Variants in RASD1 observed in about 807,000 individuals in gnomAD.
The protein encoded by RASD1 is dexamethasone-induced Ras-related protein 1.
In RASD1, 13 loss-of-function variants were observed where a neutral mutation model predicts 16.7. The ratio of observed to expected loss-of-function variants is 0.78; its 90% CI spans 0.51 to 1.24. The LOEUF is 1.24. Among genes scored for constraint, RASD1 ranks in the 50% most tolerant of loss-of-function variants. RASD1 has a pLI of 0.00. For missense variants in RASD1, 397 were observed against 407.5 expected (o/e 0.97, Z 0.22); for synonymous variants, 170 against 172.6 (o/e 0.98, Z 0.12).
rs776597307 is a variant in RASD1, at chr17:17,495,150, T to G, written c.821A>C (p.Asp274Ala). ...CTAGCTGATGACGCAGCGCTCCTTG[T>G]CCTTGGCCTGGCTGCCGGCGCTGGC... ...EKASAGSQAKDKERCVIS is the reference protein window; with the variant it reads ...EKASAGSQAKAKERCVIS The change falls in exon 2 of 2, where the codon GAC becomes GCC. Residue 274 changes from aspartate to alanine, a missense_variant. By Grantham distance (126) the Asp-to-Ala change is moderately radical. Coordinates refer to ENST00000225688, the MANE Select transcript of RASD1 (RefSeq NM_016084.5). 4 of 1,611,724 alleles carry G rather than the reference T, an allele frequency of 2.5e-6. No individual in the cohort carries two copies. In the South Asian group the frequency reaches 4.4e-5, roughly 18 times the overall value.
rs372935650 is a variant in RASD1, at chr17:17,495,431, C to T, written c.540G>A (p.Lys180=). Residue 180 remains lysine, a synonymous_variant, in exon 2 of 2, where the codon AAG becomes AAA. Coordinates refer to ENST00000225688, the MANE Select transcript of RASD1 (RefSeq NM_016084.5). ...RCAYFEISAK[K]NSSLDQMFRA... Reference sequence around the variant, plus strand: ...GGAACATCTGGTCCAGGCTGCTGTTCTTCTTGGCCGAGATCTCGAAGTAGG... The same window carrying T: ...GGAACATCTGGTCCAGGCTGCTGTTTTTCTTGGCCGAGATCTCGAAGTAGG... 1.2e-6 allele frequency: 2 copies of T among 1,607,376 alleles called. No individual in the cohort carries two copies. Among genetic ancestry groups the T allele is most frequent in the Non-Finnish European group, 1.7e-6 (2 of 1,177,292 alleles).
At position 17,495,130 on chromosome 17, in the gene RASD1, T is replaced by C; in HGVS notation, c.841A>G (p.Ser281Gly). The change falls in exon 2 of 2, where the codon AGC becomes GGC. Residue 281 changes from serine (S) to glycine (G), a missense_variant. Physicochemically the swap from Ser to Gly is moderately conservative, Grantham distance 56. Transcript: ENST00000225688. ...TCGCCAGCGCGGCGGGGCTCCTAGC[T>C]GATGACGCAGCGCTCCTTGTCCTTG... ...QAKDKERCVI[S>G] 6.2e-7 allele frequency: 1 copy of C among 1,610,998 alleles called. No individual in the cohort carries two copies. Among genetic ancestry groups the C allele is most frequent in the Non-Finnish European group, 8.5e-7 (1 of 1,179,578 alleles).
Position 17,495,170 on chromosome 17 carries a change from G to T in RASD1, c.801C>A (p.Ser267Arg). The change falls in exon 2 of 2, where the codon AGC becomes AGA. Residue 267 changes from serine (S) to arginine (R), a missense_variant. Physicochemically the swap from Ser to Arg is moderately radical, Grantham distance 110. Coordinates refer to ENST00000225688, the MANE Select transcript of RASD1 (RefSeq NM_016084.5). ...CCTTGTCCTTGGCCTGGCTGCCGGC[G>T]CTGGCCTTCTCGCGGATGTACATGA... is the stretch of plus-strand genomic sequence containing the variant. ...SDLMYIREKA[S>R]AGSQAKDKER... The T allele has an allele frequency of 6.2e-7, 1 of 1,611,706 alleles. No homozygotes were observed. The highest frequency in any genetic ancestry group is 1.1e-5 in the South Asian group (1 of 91,058).
Position 17,494,965 on chromosome 17 carries a change from T to C in RASD1, c.*160A>G, listed in dbSNP as rs1330090249. The C allele has an allele frequency of 3.4e-6, 3 of 881,970 alleles. No individual in the cohort carries two copies. Among genetic ancestry groups the C allele is most frequent in the African/African-American group, 1.8e-5 (1 of 56,870 alleles). 54.6% of individuals were successfully genotyped at this position (881,970 alleles called of 1,614,324 possible). ...TCTTTCCTTCCGGAGCAGATGACCGTCCCTTCTCGGTTCAGTGGCGCCTCC... is the reference window on the plus strand; with the variant it reads ...TCTTTCCTTCCGGAGCAGATGACCGCCCCTTCTCGGTTCAGTGGCGCCTCC... On this transcript the variant is annotated 3_prime_UTR_variant, in exon 2 of 2. Coordinates refer to ENST00000225688, the MANE Select transcript of RASD1 (RefSeq NM_016084.5).
Position 17,496,295 on chromosome 17 carries a change from C to T in RASD1, c.-114G>A, listed in dbSNP as rs149946848. The T allele has an allele frequency of 2.8e-4, 343 of 1,217,568 alleles. 3 individuals are homozygous for T. In the East Asian group the frequency reaches 5.7e-3, roughly 20 times the overall value. The allele number at this position is 1,217,568 out of a possible 1,614,324, so 75.4% of individuals were successfully genotyped here. On this transcript the variant is annotated 5_prime_UTR_variant, in exon 1 of 2. Coordinates refer to ENST00000225688, the MANE Select transcript of RASD1 (RefSeq NM_016084.5). The stretch of plus-strand genomic sequence containing the variant: ...GCTGGAGGGCTCTGCTCGGGCTGGG[C>T]GCGGCTCGGGCTTGGGGCTCCGGCT...
In RASD1 at chr17:17,496,158, CTTGAT is replaced by C. The variant is rs1174602898; in HGVS notation, c.19_23del (p.Ile7GlufsTer140). ...GCTCCGAGTCGCTCGGGCACATCTT[CTTGAT>C]CATCGCGGCCAGTTTCATTGGGCAG... On this transcript the variant is annotated frameshift_variant, in exon 1 of 2. Transcript: ENST00000225688. LOFTEE classifies it high-confidence loss of function. 5 of 1,607,840 alleles carry C rather than the reference CTTGAT, an allele frequency of 3.1e-6. No homozygotes were observed. Among genetic ancestry groups the C allele is most frequent in the Non-Finnish European group, 4.3e-6 (5 of 1,175,574 alleles).
In RASD1 at chr17:17,495,981, G is replaced by T; in HGVS notation, c.201C>A (p.Ile67=). Residue 67 remains isoleucine, a synonymous_variant, in exon 1 of 2, where the codon ATC becomes ATA. Transcript: ENST00000225688. ...TGTCGAGCTGGTAGACCTCGCCGCG[G>T]ATGGAGTAGAACTTGCGGTGGAAGT... The part of the protein sequence containing the change: ...IEDFHRKFYS[I]RGEVYQLDIL... 6.2e-7 allele frequency: 1 copy of T among 1,613,720 alleles called. No homozygotes were observed. The highest frequency in any genetic ancestry group is 8.5e-7 in the Non-Finnish European group (1 of 1,180,032).
Position 17,495,573 on chromosome 17 carries a change from T to G in RASD1, c.398A>C (p.Lys133Thr). 1 of 1,613,072 alleles carries G rather than the reference T, an allele frequency of 6.2e-7. No homozygotes were observed. Among genetic ancestry groups the G allele is most frequent in the Non-Finnish European group, 8.5e-7 (1 of 1,179,920 alleles). The change falls in exon 2 of 2, where the codon AAG becomes ACG. Residue 133 changes from lysine to threonine, a missense_variant. Physicochemically the swap from Lys to Thr is moderately conservative, Grantham distance 78. Transcript: ENST00000225688. ...GACCAGGGGCACGTCCACGTTCTCCTTGGTTTTGTTCTTGAGGCAAGACTT... is the reference window on the plus strand; with the variant it reads ...GACCAGGGGCACGTCCACGTTCTCCGTGGTTTTGTTCTTGAGGCAAGACTT... Reference protein sequence around the residue: ...DTKSCLKNKTKENVDVPLVIC... With the variant: ...DTKSCLKNKTTENVDVPLVIC...
In RASD1 at chr17:17,496,223, G is replaced by A. The variant is rs573137760; in HGVS notation, c.-42C>T. The A allele has an allele frequency of 5.9e-6, 9 of 1,528,120 alleles. No individual in the cohort carries two copies. In the East Asian group the frequency reaches 2.2e-4, roughly 37 times the overall value. 94.7% of individuals were successfully genotyped at this position (1,528,120 alleles called of 1,614,324 possible). A position where few individuals can be genotyped will look rare whatever the true frequency, so the allele number is the denominator to read the frequency against. On this transcript the variant is annotated 5_prime_UTR_variant, in exon 1 of 2. Coordinates refer to ENST00000225688, the MANE Select transcript of RASD1 (RefSeq NM_016084.5). ...GAGGGCGGGCGCGGGGCCGAGAGAA[G>A]GGCAGAGAGCGGCTGAGGGTCGCTG...
rs1163385859 is a variant in RASD1 at position 17,495,322 on chromosome 17, G to A, written c.649C>T (p.Leu217=). ...RKVSVQYCDV[L]HKKALRNKKL... ...TTGTTCCGCAGCGCCTTCTTGTGCA[G>A]CACGTCGCAGTACTGCACCGAGACC... Residue 217 remains leucine (L), a synonymous_variant, in exon 2 of 2, where the codon CTG becomes TTG. Transcript: ENST00000225688. 6.4e-7 allele frequency: 1 copy of A among 1,556,766 alleles called. No individual in the cohort carries two copies. The highest frequency in any genetic ancestry group is 1.4e-5 in the African/African-American group (1 of 73,668).
Position 17,496,024 on chromosome 17 carries a change from T to C in RASD1, c.158A>G (p.Tyr53Cys). The change falls in exon 1 of 2, where the codon TAC becomes TGC. Residue 53 changes from tyrosine to cysteine, a missense_variant. Physicochemically the swap from Tyr to Cys is radical, Grantham distance 194. Coordinates refer to ENST00000225688, the MANE Select transcript of RASD1 (RefSeq NM_016084.5). ...GTGGAAGTCCTCGATGGTAGGCGTG[T>C]AGGCGTCCTCGAAGCGGCCGGTGAG... is the stretch of plus-strand genomic sequence containing the variant. ...RFLTGRFEDA[Y>C]TPTIEDFHRK... The C allele has an allele frequency of 6.2e-7, 1 of 1,614,120 alleles. No homozygotes were observed. Among genetic ancestry groups the C allele is most frequent in the Non-Finnish European group, 8.5e-7 (1 of 1,180,026 alleles).
chr17:17,495,784 C>T (rs1905413099), intron 1 of RASD1, 100 bp from the exon 2 acceptor site: 10 of 1,453,072 alleles, frequency 6.9e-6, no homozygotes, highest in Non-Finnish European at 9.1e-6. Context: ...GCTAGCCTCT[C>T]TAAGCGCGAA....
chr17:17,495,377 G>T lies in RASD1; in HGVS notation c.594C>A (p.Pro198=). 6.3e-7 allele frequency: 1 copy of T among 1,595,036 alleles called. No homozygotes were observed. The highest frequency in any genetic ancestry group is 1.1e-5 in the South Asian group (1 of 88,316). The change falls in exon 2 of 2, where the codon CCC becomes CCA. Residue 198 remains proline (P), a synonymous_variant. Transcript: ENST00000225688. ...FRALFAMAKL[P]SEMSPDLHRK... ...GGTGCAGGTCTGGGCTCATCTCGCT[G>T]GGCAGCTTGGCCATGGCGAAGAGCG...
rs781272014 is a variant in RASD1 at position 17,495,262 on chromosome 17, C to G, written c.709G>C (p.Gly237Arg). ...LLRAGSGGGG[G>R]DPGDAFGIVA... ...ATGCCAAAGGCGTCGCCCGGGTCGC[C>G]GCCGCCGCCGCCGCTGCCGGCCCGC... is the stretch of plus-strand genomic sequence containing the variant. The change falls in exon 2 of 2, where the codon GGC (glycine) becomes CGC (arginine). Residue 237 changes from glycine to arginine, a missense_variant. By Grantham distance (125) the Gly-to-Arg change is moderately radical. Coordinates refer to ENST00000225688, the MANE Select transcript of RASD1 (RefSeq NM_016084.5). 8 of 1,558,050 alleles carry G rather than the reference C, an allele frequency of 5.1e-6. No homozygotes were observed. The highest frequency in any genetic ancestry group is 6.9e-6 in the Non-Finnish European group (8 of 1,153,486).
chr17:17,495,877 T>TG lies in RASD1; in HGVS notation c.286+18dup. 1 of 1,296,828 alleles carries TG rather than the reference T, an allele frequency of 7.7e-7. No homozygotes were observed. The highest frequency in any genetic ancestry group is 1.1e-6 in the Non-Finnish European group (1 of 934,994). 80.3% of individuals were successfully genotyped at this position (1,296,828 alleles called of 1,614,324 possible). Reference sequence around the variant, plus strand: ...GTTCCCCGCCCTTCCCTCCCGCACCTGCCCGGCCCCCGGCTCACCTGTGAG... The same window carrying TG: ...GTTCCCCGCCCTTCCCTCCCGCACCTGGCCCGGCCCCCGGCTCACCTGTGAG... On this transcript the variant is annotated intron_variant, in intron 1 of 1. Coordinates refer to ENST00000225688, the MANE Select transcript of RASD1 (RefSeq NM_016084.5).
rs1450648182 is a variant in RASD1, at chr17:17,495,530, A to T, written c.441T>A (p.Gly147=). 1.2e-6 allele frequency: 2 copies of T among 1,612,188 alleles called. No homozygotes were observed. The highest frequency in any genetic ancestry group is 2.7e-5 in the African/African-American group (2 of 74,822). ...DVPLVICGNK[G]DRDFYREVDQ... is the part of the protein sequence containing the mutation. The stretch of plus-strand genomic sequence containing the variant: ...CCACCTCGCGGTAGAAGTCGCGGTC[A>T]CCCTTGTTGCCGCAGATGACCAGGG... Residue 147 remains glycine (G), a synonymous_variant, in exon 2 of 2, where the codon GGT becomes GGA. Transcript: ENST00000225688.
rs1229955421 is a variant in RASD1, at chr17:17,496,147, G to A, written c.35C>T (p.Pro12Leu). The A allele has an allele frequency of 1.9e-6, 3 of 1,610,796 alleles. No individual in the cohort carries two copies. The highest frequency in any genetic ancestry group is 2.5e-6 in the Non-Finnish European group (3 of 1,177,568). The change falls in exon 1 of 2, where the codon CCG (proline) becomes CTG (leucine). Residue 12 changes from proline (P) to leucine (L), a missense_variant. Transcript: ENST00000225688. ...KLAAMIKKMC[P>L]SDSELSIPAK... ...CGGGATACTCAGCTCCGAGTCGCTC[G>A]GGCACATCTTCTTGATCATCGCGGC...
rs888451858 is a variant in RASD1, at chr17:17,495,704, C to T, written c.287-20G>A. On this transcript the variant is annotated intron_variant, in intron 1 of 1. Coordinates refer to ENST00000225688, the MANE Select transcript of RASD1 (RefSeq NM_016084.5). ...CGTCTCCTAGAGGGGGCACAGAGAG[C>T]AGAAAAGGAGAAGGTGAGGGTGGCC... The T allele has an allele frequency of 6.3e-7, 1 of 1,582,094 alleles. No individual in the cohort carries two copies. Among genetic ancestry groups the T allele is most frequent in the African/African-American group, 1.3e-5 (1 of 74,186 alleles).
chr17:17,495,341 C>T lies in RASD1; in HGVS notation c.630G>A (p.Ser210=), dbSNP rs775062885. 1 of 1,568,064 alleles carries T rather than the reference C, an allele frequency of 6.4e-7. No individual in the cohort carries two copies. The highest frequency in any genetic ancestry group is 8.6e-7 in the Non-Finnish European group (1 of 1,156,374). The change falls in exon 2 of 2, where the codon TCG becomes TCA. Residue 210 remains serine, a synonymous_variant. Coordinates refer to ENST00000225688, the MANE Select transcript of RASD1 (RefSeq NM_016084.5). ...EMSPDLHRKV[S]VQYCDVLHKK... ...TGTGCAGCACGTCGCAGTACTGCACCGAGACCTTGCGGTGCAGGTCTGGGC... is the reference window on the plus strand; with the variant it reads ...TGTGCAGCACGTCGCAGTACTGCACTGAGACCTTGCGGTGCAGGTCTGGGC...
Sources: allele counts gnomAD v4.1 joint callset, GRCh38; gene constraint gnomAD v4.1.1; transcripts MANE v1.5; gene names NCBI Gene and HGNC (gene_info 2026-07-23, HGNC 2026-07-21).